The following TAFA1 variants were observed in gnomAD, a reference collection of about 807,000 sequenced individuals.
TAFA1 encodes the protein chemokine-like protein TAFA-1.
TAFA1 carries 4 observed loss-of-function variants against 18.5 expected under a neutral mutation model. The ratio of observed to expected loss-of-function variants is 0.22; its 90% CI spans 0.11 to 0.49. The LOEUF (loss-of-function observed/expected upper bound fraction) is 0.49, where lower values mean the gene tolerates loss of function less well. TAFA1 is among the 20% of genes least tolerant of loss of function. The probability of loss-of-function intolerance (pLI) is 0.98; values close to 1 mark genes in which losing one functional copy is unlikely to be tolerated. For synonymous variants in TAFA1, 56 were observed against 55.2 expected (o/e 1.01, Z -0.06); for missense variants, 147 against 169.0 (o/e 0.87, Z 0.72).
intron 2 of TAFA1, among the ~76,000 whole-genome samples, chr3:68,147,363 C>T (rs2065754080): frequency 6.6e-6 from 1 of 152,022 alleles, no homozygotes; most frequent in Non-Finnish European, 1.5e-5. Flanking sequence ...CCCTGCCTCT[C>T]CCAAGAAAAC....
intron 2 of TAFA1, among the ~76,000 whole-genome samples, chr3:68,273,711 T>G (rs1398264100): frequency 1.3e-5 from 2 of 152,148 alleles, no homozygotes; most frequent in African/African-American, 4.8e-5. Flanking sequence ...GAAGATCAGT[T>G]AGGTATTTCT....
At chr3:68,108,435 G>GGT (rs59097248) in intron 2 of TAFA1, among the ~76,000 whole-genome samples, 3,284 of 141,160 alleles carry the variant, frequency 0.023, 43 homozygotes, top group Middle Eastern at 0.042. Flanking sequence ...TTTATTTGAA[G>GGT]GTGTGTGTGT....
At chr3:68,231,343 G>GAT (rs2066868432) in intron 2 of TAFA1, among the ~76,000 whole-genome samples, 1 of 103,666 alleles carries the variant, frequency 9.6e-6, no homozygotes, top group Non-Finnish European at 2.1e-5. Context: ...TAATCTATTT[G>GAT]ATTTTTTTTT....
intron 3 of TAFA1, among the ~76,000 whole-genome samples, chr3:68,466,313 C>T (rs1292901680): frequency 4.6e-5 from 7 of 152,080 alleles, no homozygotes; most frequent in Non-Finnish European, 7.4e-5. Flanking sequence ...GAGCAGAACT[C>T]CCAGCTAATC....
chr3:68,267,408 T>G (rs2067569123), intron 2 of TAFA1, among the ~76,000 whole-genome samples: 2 of 152,106 alleles, frequency 1.3e-5, no homozygotes, highest in Non-Finnish European at 2.9e-5. Context: ...CTCCAGAAGT[T>G]TTAGTAACTC....
At chr3:68,433,409 C>G (rs2071214688) in intron 3 of TAFA1, among the ~76,000 whole-genome samples, 1 of 152,138 alleles carries the variant, frequency 6.6e-6, no homozygotes, top group Non-Finnish European at 1.5e-5. Flanking sequence ...TTATCATACA[C>G]AGCCTCCAAA....
intron 2 of TAFA1, among the ~76,000 whole-genome samples, chr3:68,277,522 G>A (rs921498475): frequency 3.3e-5 from 5 of 152,038 alleles, no homozygotes; most frequent in Non-Finnish European, 7.4e-5. Flanking sequence ...GGTGCTCCCC[G>A]AATCTGAGCT....
chr3:68,292,427 A>AAC (rs1355305884), intron 2 of TAFA1, among the ~76,000 whole-genome samples: 1 of 151,394 alleles, frequency 6.6e-6, no homozygotes, highest in Non-Finnish European at 1.5e-5. Flanking sequence ...AAAAAAACAA[A>AAC]AAAAAAAACC....
At position 68,329,085 on chromosome 3, in the gene TAFA1, T is replaced by G. The variant is rs1031464041; in HGVS notation, c.119-88195T>G. On this transcript the variant is annotated intron_variant, in intron 2 of 4. Transcript: ENST00000478136. ...TAAACAGTCTTGCTTGTGGCCACTT[T>G]TTTGTTTTTTTTTTTTTGGGACAGA... is the stretch of plus-strand genomic sequence containing the variant. Among the ~76,000 whole-genome samples the G allele has an allele frequency of 1.1e-4, 17 of 150,342 alleles. 1 individual carries two copies. Among genetic ancestry groups the G allele is most frequent in the Non-Finnish European group, 5.9e-5 (4 of 67,566 alleles).
intron 2 of TAFA1, among the ~76,000 whole-genome samples, chr3:68,017,160 T>A (rs1166466124): frequency 6.6e-6 from 1 of 152,184 alleles, no homozygotes; most frequent in Non-Finnish European, 1.5e-5. Context: ...ATATAAGACA[T>A]GAGTACATGT....
At chr3:68,212,321 T>C (rs749039527) in intron 2 of TAFA1, among the ~76,000 whole-genome samples, 12 of 151,896 alleles carry the variant, frequency 7.9e-5, no homozygotes, top group African/African-American at 1.7e-4. Flanking sequence ...CCAGATCACA[T>C]AGTGCTCTGT....
chr3:68,298,191 T>C (rs1326623401), intron 2 of TAFA1, among the ~76,000 whole-genome samples: 1 of 152,180 alleles, frequency 6.6e-6, no homozygotes, highest in Non-Finnish European at 1.5e-5. Context: ...TGACACCCCA[T>C]CTTGGTAGCA....
chr3:68,320,738 A>G (rs544820599), intron 2 of TAFA1, among the ~76,000 whole-genome samples: 6 of 152,270 alleles, frequency 3.9e-5, no homozygotes, highest in African/African-American at 1.4e-4. Flanking sequence ...CATGTTCCAA[A>G]GATTCTTCTT....
At chr3:68,412,895 A>G (rs2070742681) in intron 2 of TAFA1, among the ~76,000 whole-genome samples, 1 of 151,910 alleles carries the variant, frequency 6.6e-6, no homozygotes, top group Non-Finnish European at 1.5e-5. Flanking sequence ...TATACCCAGT[A>G]AGGGGATGGC....
chr3:68,365,867 C>T (rs2069558666), intron 2 of TAFA1, among the ~76,000 whole-genome samples: 3 of 152,034 alleles, frequency 2.0e-5, no homozygotes, highest in Admixed American at 1.3e-4. Flanking sequence ...GCGGGCGGAT[C>T]ACAAGGTCAG....
intron 2 of TAFA1, among the ~76,000 whole-genome samples, chr3:68,281,429 A>G (rs552076714): frequency 4.7e-5 from 7 of 150,532 alleles, no homozygotes; most frequent in Non-Finnish European, 8.9e-5. Context: ...GTTATTTAAG[A>G]TAGTTTGATT....
chr3:68,171,530 A>T (rs976455691), intron 2 of TAFA1, among the ~76,000 whole-genome samples: 4 of 150,768 alleles, frequency 2.7e-5, no homozygotes, highest in Admixed American at 6.6e-5. Context: ...TCCAGATTAT[A>T]TATTTTAAAA....
In TAFA1 at chr3:68,004,638, T is replaced by A. The variant is rs1005800512; in HGVS notation, c.-68T>A. On this transcript the variant is annotated 5_prime_UTR_variant, in exon 1 of 5. Transcript: ENST00000478136. ...TTTAAATTGTGGCACAGATGGATTT[T>A]AAAAAGTGTTAGATCTTTCCAATGA... 1 of 152,198 alleles carries A rather than the reference T, an allele frequency of 6.6e-6. No homozygotes were observed. The highest frequency in any genetic ancestry group is 1.9e-4 in the East Asian group (1 of 5,174). 9.4% of individuals were successfully genotyped at this position (152,198 alleles called of 1,614,324 possible). A position where few individuals can be genotyped will look rare whatever the true frequency, so the allele number is the denominator to read the frequency against.
Position 68,149,386 on chromosome 3 carries a change from CT to C in TAFA1, c.118+142643del, listed in dbSNP as rs537349203. On this transcript the variant is annotated intron_variant, in intron 2 of 4. Transcript: ENST00000478136. ...TGTTGCTATACAGGAATACCTGAGA[CT>C]GGGTAATTTATAAAGAAAAAAAGCT... 2.2e-3 allele frequency among the ~76,000 whole-genome samples: 342 copies of C among 152,274 alleles called. 1 individual carries two copies. Among genetic ancestry groups the C allele is most frequent in the African/African-American group, 8.0e-3 (332 of 41,554 alleles).
Sources: gnomAD v4.1 joint callset for allele counts (sites outside exome capture counted in the v4.1 genomes callset) on GRCh38, gnomAD v4.1.1 for gene constraint, MANE v1.5 for transcripts, NCBI Gene and HGNC (gene_info 2026-07-23, HGNC 2026-07-21) for gene names.